C2CD3: variants seen among roughly 807,000 people sequenced by gnomAD.
C2CD3 encodes the protein C2 domain containing 3 centriole elongation regulator, also known as C2 domain-containing protein 3.
A neutral mutation model predicts 234.0 loss-of-function variants in C2CD3; 148 were observed. The observed-to-expected ratio is 0.63, with a 90% CI of 0.55 to 0.72. C2CD3 has a LOEUF of 0.72. Ranked by LOEUF, C2CD3 falls within the 30% of genes least tolerant of loss-of-function variation. The pLI is 0.00. For synonymous variants in C2CD3, 1,000 were observed against 1,035.4 expected (o/e 0.97, Z 0.66); for missense variants, 2,577 against 2,811.5 (o/e 0.92, Z 1.89).
intron 7 of C2CD3, chr11:74,128,715 TG>T (rs1354454192): frequency 6.5e-6 from 1 of 152,896 alleles, no homozygotes; most frequent in Non-Finnish European, 1.5e-5. Flanking sequence ...TTTGTGTCCC[TG>T]GGTACTTGAG....
chr11:74,033,064 C>A (rs193265918), intron 31 of C2CD3, among the ~76,000 whole-genome samples: 42 of 152,202 alleles, frequency 2.8e-4, no homozygotes, highest in Non-Finnish European at 4.0e-4. Context: ...CCTTAGATCC[C>A]AAGCCTTGCC....
chr11:74,116,842 A>C (rs1956952278), intron 9 of C2CD3, among the ~76,000 whole-genome samples: 1 of 143,016 alleles, frequency 7.0e-6, no homozygotes, highest in Non-Finnish European at 1.5e-5. Flanking sequence ...GTGTATATAT[A>C]CACGTGTATA....
chr11:74,161,052 A>G (rs1252429228), intron 3 of C2CD3, among the ~76,000 whole-genome samples: 1 of 152,214 alleles, frequency 6.6e-6, no homozygotes, highest in African/African-American at 2.4e-5. Flanking sequence ...TAAAACGAAG[A>G]GGAATTAAAG....
intron 27 of C2CD3, among the ~76,000 whole-genome samples, chr11:74,049,106 T>C (rs1220408645): frequency 3.3e-5 from 5 of 152,224 alleles, no homozygotes; most frequent in African/African-American, 1.2e-4. Context: ...ATACAATTCA[T>C]CCTTTTAAAA....
intron 32 of C2CD3, among the ~76,000 whole-genome samples, chr11:74,023,093 G>A (rs980703213): frequency 3.3e-5 from 5 of 152,252 alleles, no homozygotes; most frequent in African/African-American, 1.2e-4. Flanking sequence ...AGGAGGGAGG[G>A]GAAATCTGTT....
rs151035960 is a variant in C2CD3, at chr11:74,078,588, C to T, written c.4130G>A (p.Arg1377Gln). The change falls in exon 23 of 33, where the codon CGG becomes CAG. Residue 1377 changes from arginine (R) to glutamine (Q), a missense_variant. Arg to Gln is a conservative substitution (Grantham distance 43). Coordinates refer to ENST00000334126, the MANE Select transcript of C2CD3 (RefSeq NM_001286577.2). ...ISFTHRGDRE[R>Q]VLEAAEHLGW... Reference sequence around the variant, plus strand: ...CAAATGCTCAGCAGCTTCCAACACCCGTTCTCTATCTCCACGATGCGTGAA... The same window carrying T: ...CAAATGCTCAGCAGCTTCCAACACCTGTTCTCTATCTCCACGATGCGTGAA... The T allele has an allele frequency of 3.1e-4, 502 of 1,614,110 alleles. 2 individuals are homozygous for T. The African/African-American group carries it at 5.9e-3, about 19-fold the overall frequency.
chr11:74,056,045 G>C (rs538069158), intron 25 of C2CD3, among the ~76,000 whole-genome samples: 4 of 152,328 alleles, frequency 2.6e-5, no homozygotes, highest in African/African-American at 9.6e-5. Flanking sequence ...ACTATGGCCA[G>C]AATTTCTATA....
Position 74,094,515 on chromosome 11 carries a change from T to C in C2CD3, c.3161-516A>G, listed in dbSNP as rs755596365. 7.9e-4 allele frequency among the ~76,000 whole-genome samples: 120 copies of C among 151,928 alleles called. 1 individual carries two copies. The highest frequency in any genetic ancestry group is 1.3e-3 in the Non-Finnish European group (89 of 67,960). On this transcript the variant is annotated intron_variant, in intron 17 of 32. Coordinates refer to ENST00000334126, the MANE Select transcript of C2CD3 (RefSeq NM_001286577.2). ...TACACCGAATGGCAAAAAGTTCGAG[T>C]CACCTGGTCTGTTTGTTCCCAGGTG... is the stretch of plus-strand genomic sequence containing the variant.
chr11:74,119,034 C>A (rs1164519036), intron 8 of C2CD3, among the ~76,000 whole-genome samples: 1 of 151,862 alleles, frequency 6.6e-6, no homozygotes, highest in African/African-American at 2.4e-5. Context: ...CTCAGCCTCC[C>A]AAGTAGCTGG....
At chr11:74,105,656 C>G (rs747787066) in intron 13 of C2CD3, among the ~76,000 whole-genome samples, 1 of 152,308 alleles carries the variant, frequency 6.6e-6, no homozygotes, top group South Asian at 2.1e-4. Context: ...CACCTGAATA[C>G]AAGGAAATAA....
At chr11:74,065,626 T>C (rs369926090) in intron 24 of C2CD3, among the ~76,000 whole-genome samples, 20 of 152,192 alleles carry the variant, frequency 1.3e-4, no homozygotes, top group South Asian at 4.1e-4. Flanking sequence ...ATGTTTATTG[T>C]GGCACTATTC....
rs1855742136 is a variant in C2CD3, at chr11:74,152,715, GT to G, written c.483+8683del. Among the ~76,000 whole-genome samples, 5 of 152,196 alleles carry G rather than the reference GT, an allele frequency of 3.3e-5. No individual in the cohort carries two copies. The South Asian group carries it at 1.0e-3, about 32-fold the overall frequency. ...TGTTCATCGTAAGACTGATGGTCTGGTTTTGTTTTTAGAAATGAATCAATAA... is the reference window on the plus strand; with the variant it reads ...TGTTCATCGTAAGACTGATGGTCTGGTTTGTTTTTAGAAATGAATCAATAA... On this transcript the variant is annotated intron_variant, in intron 3 of 32. Transcript: ENST00000334126.
At chr11:74,063,481 A>G (rs1954352377) in intron 24 of C2CD3, among the ~76,000 whole-genome samples, 1 of 152,236 alleles carries the variant, frequency 6.6e-6, no homozygotes. Context: ...AACATATGCA[A>G]ATCAATAAAC....
At chr11:74,038,579 T>G (rs1165758787) in intron 29 of C2CD3, among the ~76,000 whole-genome samples, 1 of 152,216 alleles carries the variant, frequency 6.6e-6, no homozygotes, top group Non-Finnish European at 1.5e-5. Context: ...TGAGATGGAC[T>G]CTGTTCCAGC....
At chr11:74,125,250 G>A (rs1294908577) in intron 7 of C2CD3, among the ~76,000 whole-genome samples, 1 of 152,018 alleles carries the variant, frequency 6.6e-6, no homozygotes, top group Non-Finnish European at 1.5e-5. Context: ...CTGAAGCCTC[G>A]AACTCCTGGG....
intron 3 of C2CD3, among the ~76,000 whole-genome samples, chr11:74,152,994 G>A (rs1855763046): frequency 6.6e-6 from 1 of 152,192 alleles, no homozygotes; most frequent in African/African-American, 2.4e-5. Flanking sequence ...GAGAGACTGA[G>A]AAAGGAGGAT....
In C2CD3 at chr11:74,054,026, A is replaced by G. The variant is rs573860226; in HGVS notation, c.5155+581T>C. Among the ~76,000 whole-genome samples the G allele has an allele frequency of 7.8e-4, 119 of 152,210 alleles. 2 individuals are homozygous for G. The highest frequency in any genetic ancestry group is 2.6e-3 in the African/African-American group (109 of 41,534). ...GGTGGCTCACGCCTGTAATCCCAGC[A>G]CTTTGGGAGGCCGAGGCGGGTGGAT... On this transcript the variant is annotated intron_variant, in intron 26 of 32. Transcript: ENST00000334126.
chr11:74,158,861 G>A (rs1036639809), intron 3 of C2CD3, among the ~76,000 whole-genome samples: 2 of 152,174 alleles, frequency 1.3e-5, no homozygotes, highest in African/African-American at 4.8e-5. Flanking sequence ...AACAAATGAT[G>A]GTGAGGATGT....
At position 74,170,804 on chromosome 11, in the gene C2CD3, G is replaced by A. The variant is rs367791371; in HGVS notation, c.-12C>T. Reference sequence around the variant, plus strand: ...TTTCGTTGTTTCATGATGAGCCCGAGCTCTTCTTCACCAGCTCAACTCCGT... The same window carrying A: ...TTTCGTTGTTTCATGATGAGCCCGAACTCTTCTTCACCAGCTCAACTCCGT... On this transcript the variant is annotated 5_prime_UTR_variant, in exon 1 of 33. Transcript: ENST00000334126. 7.8e-5 allele frequency: 126 copies of A among 1,614,156 alleles called. 1 individual carries two copies. In the African/African-American group the frequency reaches 1.5e-3, roughly 20 times the overall value.
Sources: gnomAD v4.1 joint callset for allele counts (sites outside exome capture counted in the v4.1 genomes callset) on GRCh38, gnomAD v4.1.1 for gene constraint, MANE v1.5 for transcripts, NCBI Gene and HGNC (gene_info 2026-07-23, HGNC 2026-07-21) for gene names.